The following FREM3 variants were observed in gnomAD, a reference collection of about 807,000 sequenced individuals.
The protein encoded by FREM3 is FRAS1 related extracellular matrix 3, also known as FRAS1-related extracellular matrix protein 3.
In FREM3, 105 loss-of-function variants were observed where a neutral mutation model predicts 129.1. The observed-to-expected ratio is 0.81, with a 90% CI of 0.69 to 0.96. The LOEUF is 0.96. FREM3 is among the 40% of genes least tolerant of loss of function. The pLI, the probability that FREM3 is intolerant of heterozygous loss-of-function variation, is 0.00. For missense variants in FREM3, 2,593 were observed against 2,666.3 expected, an observed-to-expected ratio of 0.97 and a Z score of 0.61; for synonymous variants, 1,014 against 1,044.9, an observed-to-expected ratio of 0.97 and a Z score of 0.57.
At chr4:143,619,153 G>A (rs1056069053) in intron 5 of FREM3, among the ~76,000 whole-genome samples, 5 of 151,988 alleles carry the variant, frequency 3.3e-5, no homozygotes, top group Non-Finnish European at 7.4e-5. Flanking sequence ...GATGTCAGAG[G>A]GCCAAAAGCT....
chr4:143,627,869 G>GTTTTA (rs937239605), intron 2 of FREM3, 109 bp from the exon 3 acceptor site: 2 of 698,890 alleles, frequency 2.9e-6, no homozygotes, highest in South Asian at 2.0e-5. Flanking sequence ...AAACATACTC[G>GTTTTA]TTTTATTTTA....
At chr4:143,599,615 C>T (rs1738538709) in intron 6 of FREM3, among the ~76,000 whole-genome samples, 1 of 152,112 alleles carries the variant, frequency 6.6e-6, no homozygotes, top group South Asian at 2.1e-4. Context: ...GTCAGACCTA[C>T]CAGTGGAGAT....
At chr4:143,656,381 T>A (rs1005822038) in intron 2 of FREM3, among the ~76,000 whole-genome samples, 1 of 152,192 alleles carries the variant, frequency 6.6e-6, no homozygotes, top group African/African-American at 2.4e-5. Context: ...ATAGCACTAT[T>A]CACAATAGCC....
At chr4:143,595,246 C>T (rs1738445280) in intron 6 of FREM3, among the ~76,000 whole-genome samples, 1 of 152,112 alleles carries the variant, frequency 6.6e-6, no homozygotes, top group Non-Finnish European at 1.5e-5. Flanking sequence ...GGATAGAAAA[C>T]AGATTCTAGA....
At chr4:143,667,689 G>C (rs1560864704) in intron 2 of FREM3, among the ~76,000 whole-genome samples, 2 of 152,210 alleles carry the variant, frequency 1.3e-5, no homozygotes, top group African/African-American at 4.8e-5. Context: ...GCTTCCAGCT[G>C]TAATCCTGCC....
At chr4:143,609,269 T>C (rs965335548) in intron 6 of FREM3, among the ~76,000 whole-genome samples, 1 of 152,168 alleles carries the variant, frequency 6.6e-6, no homozygotes, top group African/African-American at 2.4e-5. Flanking sequence ...TACCTAGACC[T>C]ATTACTAGCT....
intron 6 of FREM3, among the ~76,000 whole-genome samples, chr4:143,593,760 G>C (rs1738412410): frequency 6.6e-6 from 1 of 152,202 alleles, no homozygotes; most frequent in African/African-American, 2.4e-5. Context: ...TCTCTTCAAA[G>C]CTGTCAGATA....
intron 2 of FREM3, among the ~76,000 whole-genome samples, chr4:143,682,335 CATA>C (rs1258345211): frequency 6.6e-6 from 1 of 152,188 alleles, no homozygotes; most frequent in African/African-American, 2.4e-5. Context: ...CGCAACAAAT[CATA>C]ATGAGTGCGG....
intron 2 of FREM3, among the ~76,000 whole-genome samples, chr4:143,687,406 G>C (rs573008914): frequency 6.6e-6 from 1 of 152,180 alleles, no homozygotes; most frequent in South Asian, 2.1e-4. Context: ...GGACCAGATG[G>C]ATTCACAACA....
intron 2 of FREM3, among the ~76,000 whole-genome samples, chr4:143,682,936 A>T (rs916627381): frequency 1.3e-5 from 2 of 152,150 alleles, no homozygotes; most frequent in African/African-American, 4.8e-5. Flanking sequence ...ACTATGCTGG[A>T]TTATCTGGGT....
At chr4:143,661,746 G>A (rs13137207) in intron 2 of FREM3, among the ~76,000 whole-genome samples, 82,820 of 151,930 alleles carry the variant, frequency 0.55, 23,534 homozygotes, top group East Asian at 0.71. Context: ...GTAAGCTATT[G>A]ATTATTGCCA....
intron 3 of FREM3, 125 bp from the exon 4 acceptor site, chr4:143,624,463 A>G (rs1313701851): frequency 4.8e-6 from 3 of 625,980 alleles, no homozygotes; most frequent in Non-Finnish European, 8.3e-6. Context: ...AATGCTCCCA[A>G]AAGACACTTG....
intron 2 of FREM3, among the ~76,000 whole-genome samples, chr4:143,667,862 T>A (rs1223175027): frequency 6.6e-6 from 1 of 152,166 alleles, no homozygotes; most frequent in Non-Finnish European, 1.5e-5. Context: ...CTTAGCAGAG[T>A]TTTCTGATGT....
chr4:143,677,408 A>G (rs567322316), intron 2 of FREM3, among the ~76,000 whole-genome samples: 3 of 152,230 alleles, frequency 2.0e-5, no homozygotes, highest in Non-Finnish European at 4.4e-5. Flanking sequence ...TGGATTAAAG[A>G]CTTAAATGTT....
Position 143,697,418 on chromosome 4 carries a change from G to A in FREM3, c.3258C>T (p.Asn1086=). ...CATGGAGATGTTGTAAGGTCAAGGA[G>A]TTCTTCTCACCTTCATAGACAATGA... The part of the protein sequence containing the change: ...ESFIVYEGEK[N]SLTLQHLHVE... Residue 1086 remains asparagine (N), a synonymous_variant, in exon 1 of 8, where the codon AAC becomes AAT. Coordinates refer to ENST00000329798, the MANE Select transcript of FREM3 (RefSeq NM_001168235.2). 4 of 1,537,218 alleles carry A rather than the reference G, an allele frequency of 2.6e-6. No individual in the cohort carries two copies. The highest frequency in any genetic ancestry group is 3.5e-6 in the Non-Finnish European group (4 of 1,146,910).
Position 143,620,906 on chromosome 4 carries a change from T to C in FREM3, c.5779+131A>G, listed in dbSNP as rs1738934043. ...AGGAAAGGGGGTTCGCAGCAGGGCA[T>C]GGACAATGAGGGGCCCAGGCATCCA... On this transcript the variant is annotated intron_variant, in intron 5 of 7. Transcript: ENST00000329798. 7.0e-6 allele frequency: 6 copies of C among 861,176 alleles called. No homozygotes were observed. The East Asian group carries it at 8.1e-5, about 12-fold the overall frequency. 53.3% of individuals were successfully genotyped at this position (861,176 alleles called of 1,614,324 possible).
Position 143,577,534 on chromosome 4 carries a change from T to C in FREM3, c.*77A>G. ...AATATCACTGATATCCCAGAATTGCTAAGATCTATAAACAGTAGAGTTTCA... is the reference window on the plus strand; with the variant it reads ...AATATCACTGATATCCCAGAATTGCCAAGATCTATAAACAGTAGAGTTTCA... On this transcript the variant is annotated 3_prime_UTR_variant, in exon 8 of 8. Coordinates refer to ENST00000329798, the MANE Select transcript of FREM3 (RefSeq NM_001168235.2). The C allele has an allele frequency of 1.5e-6, 2 of 1,356,942 alleles. No individual in the cohort carries two copies. The highest frequency in any genetic ancestry group is 2.0e-6 in the Non-Finnish European group (2 of 1,014,514). The allele number at this position is 1,356,942 out of a possible 1,614,324, so 84.1% of individuals were successfully genotyped here.
chr4:143,600,428 C>T (rs964535240), intron 6 of FREM3, among the ~76,000 whole-genome samples: 2 of 151,980 alleles, frequency 1.3e-5, no homozygotes, highest in African/African-American at 4.8e-5. Context: ...CTCTAAAGAA[C>T]TTATTTATGT....
chr4:143,700,246 G>T lies in FREM3; in HGVS notation c.430C>A (p.Arg144Ser). The change falls in exon 1 of 8, where the codon CGC (arginine) becomes AGC (serine). Residue 144 changes from arginine (R) to serine (S), a missense_variant. Transcript: ENST00000329798. ...PGRARVLLQL[R>S]YDAPTHTLVL... The stretch of plus-strand genomic sequence containing the variant: ...AGAGTGTGAGTCGGGGCGTCGTAGC[G>T]CAGCTGCAGCAGCACCCGGGCGCGT... 6.5e-7 allele frequency: 1 copy of T among 1,536,686 alleles called. No homozygotes were observed. Among genetic ancestry groups the T allele is most frequent in the Non-Finnish European group, 8.7e-7 (1 of 1,146,854 alleles).
Sources: gnomAD v4.1 joint callset for allele counts (sites outside exome capture counted in the v4.1 genomes callset) on GRCh38, gnomAD v4.1.1 for gene constraint, MANE v1.5 for transcripts, NCBI Gene and HGNC (gene_info 2026-07-23, HGNC 2026-07-21) for gene names.